CAPN9: variants seen among roughly 807,000 people sequenced by gnomAD.
CAPN9 encodes the protein calpain-9.
In CAPN9, 81 loss-of-function variants were observed where a neutral mutation model predicts 92.8. The ratio of observed to expected loss-of-function variants is 0.87; its 90% CI spans 0.73 to 1.05. The LOEUF (loss-of-function observed/expected upper bound fraction) is 1.05, where lower values mean the gene tolerates loss of function less well. Among genes scored for constraint, CAPN9 ranks in the 50% least tolerant of loss-of-function variants. The probability of loss-of-function intolerance (pLI) is 0.00; values close to 1 mark genes in which losing one functional copy is unlikely to be tolerated. For synonymous variants in CAPN9, 304 were observed against 328.0 expected (o/e 0.93, Z 0.79); for missense variants, 848 against 866.2 (o/e 0.98, Z 0.26).
intron 6 of CAPN9, among the ~76,000 whole-genome samples, chr1:230,770,994 C>T (rs763994166): frequency 9.2e-5 from 14 of 152,174 alleles, no homozygotes; most frequent in Non-Finnish European, 2.1e-4. Context: ...CCTCCTTCAC[C>T]ATCCATAGAT....
At chr1:230,796,375 AAAATT>A (rs1435452044) in intron 18 of CAPN9, among the ~76,000 whole-genome samples, 6 of 149,434 alleles carry the variant, frequency 4.0e-5, no homozygotes, top group African/African-American at 7.4e-5. Flanking sequence ...AATAAATAAT[AAAATT>A]AAATTAAATT....
intron 1 of CAPN9, among the ~76,000 whole-genome samples, chr1:230,752,951 A>G (rs548610572): frequency 1.8e-4 from 28 of 152,266 alleles, no homozygotes; most frequent in African/African-American, 5.8e-4. Flanking sequence ...CTGGGACTCT[A>G]TTGAGGCCCA....
At chr1:230,797,970 C>T (rs1056195313) in intron 18 of CAPN9, among the ~76,000 whole-genome samples, 192 bp from the exon 19 acceptor site, 1 of 152,260 alleles carries the variant, frequency 6.6e-6, no homozygotes, top group South Asian at 2.1e-4. Context: ...TGCCTCCATC[C>T]GTTCAGAGAA....
chr1:230,795,101 G>A (rs1381738267), intron 17 of CAPN9, 62 bp from the exon 18 acceptor site: 1 of 1,034,288 alleles, frequency 9.7e-7, no homozygotes, highest in African/African-American at 1.6e-5. Flanking sequence ...TCCCTCAAAG[G>A]TGCAGACTCA....
intron 19 of CAPN9, 61 bp from the exon 20 acceptor site, chr1:230,801,509 G>A: frequency 9.6e-6 from 15 of 1,560,036 alleles, no homozygotes; most frequent in Non-Finnish European, 1.3e-5. Context: ...CACTCCTGAG[G>A]CTGAGGCTGG....
At chr1:230,760,721 G>A (rs1665579168) in intron 3 of CAPN9, among the ~76,000 whole-genome samples, 1 of 152,076 alleles carries the variant, frequency 6.6e-6, no homozygotes, top group East Asian at 1.9e-4. Flanking sequence ...TTCCCATCCT[G>A]TGACTTCTGC....
chr1:230,801,527 A>G (rs1409154801), intron 19 of CAPN9, 43 bp from the exon 20 acceptor site: 3 of 1,605,514 alleles, frequency 1.9e-6, no homozygotes, highest in Non-Finnish European at 8.5e-7. Flanking sequence ...TGGAAGGGAC[A>G]TGGAAGGACA....
chr1:230,767,747 TG>T (rs763777063), intron 5 of CAPN9, 38 bp downstream of exon 5: 2 of 1,584,832 alleles, frequency 1.3e-6, no homozygotes, highest in Admixed American at 3.5e-5. Context: ...GGCACTATGC[TG>T]GGGCTGCATA....
rs1382580407 is a variant in CAPN9 at position 230,750,438 on chromosome 1, G to C, written c.213+2729G>C. Among the ~76,000 whole-genome samples the C allele has an allele frequency of 2.6e-5, 4 of 152,262 alleles. No individual in the cohort carries two copies. In the East Asian group the frequency reaches 5.8e-4, roughly 22 times the overall value. ...ACCCCTATCTGTTTCTTATTTAGGG[G>C]AGTTAGAAGCTTTACATCATATCTT... On this transcript the variant is annotated intron_variant, in intron 1 of 19. Coordinates refer to ENST00000271971, the MANE Select transcript of CAPN9 (RefSeq NM_006615.3).
intron 5 of CAPN9, among the ~76,000 whole-genome samples, chr1:230,768,522 C>T (rs872505): frequency 0.53 from 80,148 of 150,626 alleles, 22,398 homozygotes; most frequent in East Asian, 0.79. Flanking sequence ...ACGGGATCTT[C>T]CTATCTAGTT....
intron 19 of CAPN9, among the ~76,000 whole-genome samples, chr1:230,799,827 G>A (rs867336713): frequency 2.0e-5 from 3 of 152,134 alleles, no homozygotes; most frequent in South Asian, 2.1e-4. Context: ...GAGGCCAGGG[G>A]TTTGAGCATG....
Position 230,754,279 on chromosome 1 carries a change from A to C in CAPN9, c.214-1058A>C, listed in dbSNP as rs568934960. On this transcript the variant is annotated intron_variant, in intron 1 of 19. Coordinates refer to ENST00000271971, the MANE Select transcript of CAPN9 (RefSeq NM_006615.3). ...AAGAGTGGAAGAATATATGCATATCATAAGATTGCTTTCTACACTTTTTTG... is the reference window on the plus strand; with the variant it reads ...AAGAGTGGAAGAATATATGCATATCCTAAGATTGCTTTCTACACTTTTTTG... Among the ~76,000 whole-genome samples the C allele has an allele frequency of 9.8e-4, 149 of 152,284 alleles. 1 individual carries two copies. The highest frequency in any genetic ancestry group is 3.5e-3 in the South Asian group (17 of 4,828).
intron 19 of CAPN9, among the ~76,000 whole-genome samples, chr1:230,800,839 C>T (rs376213527): frequency 9.2e-5 from 14 of 152,060 alleles, no homozygotes; most frequent in African/African-American, 3.4e-4. Flanking sequence ...TTTTAAAGTC[C>T]CTCTCCTTTT....
At chr1:230,797,250 G>A (rs924781868) in intron 18 of CAPN9, among the ~76,000 whole-genome samples, 2 of 152,084 alleles carry the variant, frequency 1.3e-5, no homozygotes, top group African/African-American at 2.4e-5. Context: ...TTGTGCTCCC[G>A]CAACACATAC....
At chr1:230,761,496 A>G (rs1245585056) in intron 3 of CAPN9, among the ~76,000 whole-genome samples, 1 of 151,994 alleles carries the variant, frequency 6.6e-6, no homozygotes, top group African/African-American at 2.4e-5. Context: ...GATAGCCCCA[A>G]AAGCGGGAAG....
In CAPN9 at chr1:230,747,702, G is replaced by T; in HGVS notation, c.206G>T (p.Arg69Leu). ...ERPQIPFVWK[R>L]PGEIVKNPEF... ...CCGCAGATCCCCTTTGTGTGGAAAC[G>T]ACCAGGGGTGAGTGGGGCGAGCAGG... is the stretch of plus-strand genomic sequence containing the variant. Residue 69 changes from arginine (R) to leucine (L), a missense_variant, in exon 1 of 20, where the codon CGA becomes CTA. Coordinates refer to ENST00000271971, the MANE Select transcript of CAPN9 (RefSeq NM_006615.3). 1.2e-6 allele frequency: 2 copies of T among 1,613,956 alleles called. No homozygotes were observed. The highest frequency in any genetic ancestry group is 2.2e-5 in the South Asian group (2 of 90,996).
At chr1:230,777,442 C>G (rs1666876849) in intron 8 of CAPN9, among the ~76,000 whole-genome samples, 1 of 152,106 alleles carries the variant, frequency 6.6e-6, no homozygotes, top group African/African-American at 2.4e-5. Context: ...TTCACCAGCT[C>G]TAGGATGTAC....
intron 2 of CAPN9, 79 bp from the exon 3 acceptor site, chr1:230,759,433 C>A: frequency 1.0e-6 from 1 of 994,972 alleles, no homozygotes; most frequent in Non-Finnish European, 1.5e-6. Flanking sequence ...AAACTCCCCA[C>A]ATCCCCTTCT....
At chr1:230,790,041 C>G in intron 13 of CAPN9, 91 bp from the exon 14 acceptor site, 1 of 1,075,096 alleles carries the variant, frequency 9.3e-7, no homozygotes, top group South Asian at 1.4e-5. Flanking sequence ...GTCACTGGAG[C>G]CAAATGAAGC....
Sources: allele counts gnomAD v4.1 joint callset (sites outside exome capture counted in the v4.1 genomes callset), GRCh38; gene constraint gnomAD v4.1.1; transcripts MANE v1.5; gene names NCBI Gene and HGNC (gene_info 2026-07-23, HGNC 2026-07-21).